Variants in ZNF804A observed in about 807,000 individuals in gnomAD.
ZNF804A encodes the protein zinc finger protein 804A.
ZNF804A carries 2 observed loss-of-function variants against 16.5 expected under a neutral mutation model. The ratio of observed to expected loss-of-function variants is 0.12; its 90% CI spans 0.05 to 0.38. The LOEUF is 0.38. ZNF804A is among the 10% of genes least tolerant of loss of function. ZNF804A has a pLI of 0.99. For synonymous variants in ZNF804A, 534 were observed against 489.6 expected (o/e 1.09, Z -1.20); for missense variants, 1,473 against 1,390.7 (o/e 1.06, Z -0.94).
intron 2 of ZNF804A, among the ~76,000 whole-genome samples, chr2:184,890,894 T>A (rs966469926): frequency 9.2e-5 from 14 of 151,466 alleles, no homozygotes; most frequent in African/African-American, 1.2e-4. Context: ...GTGTCAAATA[T>A]ATGTATTACA....
At chr2:184,772,007 A>G (rs1328077136) in intron 1 of ZNF804A, among the ~76,000 whole-genome samples, 2 of 152,040 alleles carry the variant, frequency 1.3e-5, no homozygotes, top group African/African-American at 2.4e-5. Flanking sequence ...TGTTCACACC[A>G]TTGTGTGTGA....
intron 2 of ZNF804A, among the ~76,000 whole-genome samples, chr2:184,926,437 T>A (rs141994698): frequency 1.3e-5 from 2 of 152,186 alleles, no homozygotes; most frequent in East Asian, 3.9e-4. Context: ...TCCTTTCTTT[T>A]TCCTTGATCT....
intron 1 of ZNF804A, among the ~76,000 whole-genome samples, chr2:184,865,520 C>T (rs1428352828): frequency 6.6e-6 from 1 of 151,980 alleles, no homozygotes; most frequent in East Asian, 1.9e-4. Flanking sequence ...GCTCTTTTGC[C>T]ATTATTTGTG....
chr2:184,753,326 G>T (rs1693904072), intron 1 of ZNF804A, among the ~76,000 whole-genome samples: 1 of 151,626 alleles, frequency 6.6e-6, no homozygotes, highest in Non-Finnish European at 1.5e-5. Context: ...TGTTGTCCTA[G>T]AATGACAAAG....
chr2:184,935,230 T>C (rs1271007337), intron 3 of ZNF804A, among the ~76,000 whole-genome samples: 2 of 152,062 alleles, frequency 1.3e-5, no homozygotes, highest in Non-Finnish European at 2.9e-5. Context: ...TTCAAAAGAG[T>C]CAAAGCTCTC....
At chr2:184,771,115 T>G (rs1281811057) in intron 1 of ZNF804A, among the ~76,000 whole-genome samples, 1 of 151,990 alleles carries the variant, frequency 6.6e-6, no homozygotes, top group East Asian at 1.9e-4. Context: ...CAAAAGAAAT[T>G]ACTCTCATAA....
intron 1 of ZNF804A, among the ~76,000 whole-genome samples, chr2:184,775,054 A>T (rs1395857632): frequency 1.3e-5 from 2 of 151,704 alleles, no homozygotes; most frequent in Non-Finnish European, 3.0e-5. Context: ...AATAATTTTG[A>T]GATGGTTATC....
chr2:184,599,855 C>T (rs931559797), intron 1 of ZNF804A, among the ~76,000 whole-genome samples: 1 of 152,160 alleles, frequency 6.6e-6, no homozygotes, highest in African/African-American at 2.4e-5. Context: ...AGGATGATTG[C>T]TCCTACTTCT....
At chr2:184,672,562 T>G (rs555771838) in intron 1 of ZNF804A, among the ~76,000 whole-genome samples, 42 of 152,322 alleles carry the variant, frequency 2.8e-4, no homozygotes, top group African/African-American at 1.0e-3. Context: ...TTAGCATTCA[T>G]AAAAATCTCT....
chr2:184,656,498 A>C (rs982576426), intron 1 of ZNF804A, among the ~76,000 whole-genome samples: 6 of 152,120 alleles, frequency 3.9e-5, no homozygotes, highest in Non-Finnish European at 7.4e-5. Flanking sequence ...TTAAGGTAGA[A>C]AAAGTAGTGC....
chr2:184,815,491 TAAA>T (rs1694970251), intron 1 of ZNF804A, among the ~76,000 whole-genome samples: 1 of 151,820 alleles, frequency 6.6e-6, no homozygotes, highest in South Asian at 2.1e-4. Context: ...AAAATAGTAG[TAAA>T]ATAATATTAT....
At chr2:184,697,687 A>G (rs1169354494) in intron 1 of ZNF804A, among the ~76,000 whole-genome samples, 1 of 152,118 alleles carries the variant, frequency 6.6e-6, no homozygotes, top group Non-Finnish European at 1.5e-5. Context: ...TTAAATAATG[A>G]GAAATTATCA....
At chr2:184,749,840 A>G (rs558679690) in intron 1 of ZNF804A, among the ~76,000 whole-genome samples, 1 of 151,394 alleles carries the variant, frequency 6.6e-6, no homozygotes, top group Middle Eastern at 3.4e-3. Flanking sequence ...TCATGTATTC[A>G]GCTTTCATTT....
At chr2:184,682,447 G>T (rs1363286844) in intron 1 of ZNF804A, among the ~76,000 whole-genome samples, 1 of 152,068 alleles carries the variant, frequency 6.6e-6, no homozygotes, top group Non-Finnish European at 1.5e-5. Flanking sequence ...CCTTGACATG[G>T]GTAGAATTAG....
At chr2:184,761,447 T>C in intron 1 of ZNF804A, among the ~76,000 whole-genome samples, 1 of 152,106 alleles carries the variant, frequency 6.6e-6, no homozygotes, top group South Asian at 2.1e-4. Context: ...GGCATATGCA[T>C]AGGATAGTTT....
chr2:184,698,727 G>T (rs1437171529), intron 1 of ZNF804A, among the ~76,000 whole-genome samples: 1 of 152,070 alleles, frequency 6.6e-6, no homozygotes, highest in African/African-American at 2.4e-5. Flanking sequence ...GTAACTCTCT[G>T]TATGAAACTT....
chr2:184,721,229 A>G (rs1402368829), intron 1 of ZNF804A, among the ~76,000 whole-genome samples: 1 of 152,122 alleles, frequency 6.6e-6, no homozygotes, highest in Non-Finnish European at 1.5e-5. Flanking sequence ...GTCAATAAAA[A>G]CAAAAATTAG....
intron 1 of ZNF804A, among the ~76,000 whole-genome samples, chr2:184,669,616 T>A (rs985118920): frequency 1.3e-5 from 2 of 152,054 alleles, no homozygotes; most frequent in Non-Finnish European, 2.9e-5. Flanking sequence ...GTGAAATAAT[T>A]GAATAGATCC....
Position 184,603,335 on chromosome 2 carries a change from G to A in ZNF804A, c.111+4265G>A, listed in dbSNP as rs1251121711. On this transcript the variant is annotated intron_variant, in intron 1 of 3. Transcript: ENST00000302277. ...ATTCACATCTTTTGACATGTTTGTA[G>A]GTTTCTTGTCACTCAGGACGTTGTC... Among the ~76,000 whole-genome samples the A allele has an allele frequency of 2.0e-5, 3 of 152,206 alleles. No homozygotes were observed. In the East Asian group the frequency reaches 5.8e-4, roughly 29 times the overall value.
Sources: allele counts gnomAD v4.1 joint callset (sites outside exome capture counted in the v4.1 genomes callset), GRCh38; gene constraint gnomAD v4.1.1; transcripts MANE v1.5; gene names NCBI Gene and HGNC (gene_info 2026-07-23, HGNC 2026-07-21).